The following DNAH3 variants were observed in gnomAD, a reference collection of about 807,000 sequenced individuals.
DNAH3 encodes dynein axonemal heavy chain 3.
DNAH3 carries 332 observed loss-of-function variants against 432.5 expected under a neutral mutation model. The ratio of observed to expected loss-of-function variants is 0.77; its 90% confidence interval spans 0.70 to 0.84. DNAH3 has a LOEUF of 0.84. Among genes scored for constraint, DNAH3 ranks in the 40% least tolerant of loss-of-function variants. DNAH3 has a pLI of 0.00. For missense variants in DNAH3, 4,861 were observed against 5,114.0 expected (o/e 0.95, Z 1.51); for synonymous variants, 1,956 against 1,900.2 (o/e 1.03, Z -0.76).
chr16:20,993,675 A>G (rs186890253), intron 44 of DNAH3, among the ~76,000 whole-genome samples: 1 of 152,186 alleles, frequency 6.6e-6, no homozygotes, highest in Non-Finnish European at 1.5e-5. Flanking sequence ...TAGCTGCCCA[A>G]AAGTTTTTTT....
intron 11 of DNAH3, among the ~76,000 whole-genome samples, chr16:21,118,944 T>A (rs2092272268): frequency 6.6e-6 from 1 of 152,008 alleles, no homozygotes; most frequent in South Asian, 2.1e-4. Flanking sequence ...GTCTTCAGAG[T>A]GTTTCAGTGA....
intron 11 of DNAH3, among the ~76,000 whole-genome samples, chr16:21,118,847 T>C (rs972826189): frequency 6.6e-6 from 1 of 152,234 alleles, no homozygotes; most frequent in Non-Finnish European, 1.5e-5. Flanking sequence ...GCATGGCTCA[T>C]GCAGGCTGCA....
At chr16:20,956,392 C>G (rs896561463) in intron 54 of DNAH3, among the ~76,000 whole-genome samples, 2 of 152,190 alleles carry the variant, frequency 1.3e-5, no homozygotes, top group Non-Finnish European at 2.9e-5. Flanking sequence ...ACTGCAAGCC[C>G]CACCATTCCC....
intron 1 of DNAH3, among the ~76,000 whole-genome samples, chr16:21,157,341 T>C (rs1439385050): frequency 4.0e-5 from 6 of 148,340 alleles, no homozygotes; most frequent in African/African-American, 9.9e-5. Context: ...TGCTTCTTTT[T>C]TTTTTTTTTT....
intron 41 of DNAH3, among the ~76,000 whole-genome samples, chr16:21,017,054 T>C (rs541319302): frequency 6.6e-6 from 1 of 152,178 alleles, no homozygotes; most frequent in East Asian, 1.9e-4. Context: ...AGTTTGGGAA[T>C]GTGAAAAACG....
In DNAH3 at chr16:21,069,191, C is replaced by T. The variant is rs116845038; in HGVS notation, c.3381+224G>A. 3.9e-3 allele frequency among the ~76,000 whole-genome samples: 597 copies of T among 152,170 alleles called. 22 individuals carry two copies. In the East Asian group the frequency reaches 0.082, roughly 21 times the overall value. On this transcript the variant is annotated intron_variant, in intron 23 of 61. Transcript: ENST00000261383. ...AACTCTTGACCTCAAGTGATACCCC[C>T]GCCTTGGCCTCCCAAAGTGATGGGA...
At position 20,964,954 on chromosome 16, in the gene DNAH3, T is replaced by C. The variant is rs1313293940; in HGVS notation, c.8930A>G (p.Glu2977Gly). 1.9e-6 allele frequency: 3 copies of C among 1,614,040 alleles called. No homozygotes were observed. The Admixed American group carries it at 5.0e-5, about 27-fold the overall frequency. ...GGCAGCTTCGGTCCATCTGTCCTTC[T>C]CTCCCCCAAGACCACTGATCAGTTT... Residue 2977 changes from glutamate to glycine, a missense_variant, in exon 53 of 62, where the codon GAG becomes GGG. By Grantham distance (98) the Glu-to-Gly change is moderately conservative. Transcript: ENST00000261383.
In DNAH3 at chr16:21,104,604, A is replaced by G. The variant is rs1366192916; in HGVS notation, c.2285-52T>C. ...AATTTGATGTCCTCATCTGCAAAAC[A>G]CATACTGCCTGCTCCAGGACACTGT... On this transcript the variant is annotated intron_variant, in intron 15 of 61. Coordinates refer to ENST00000261383, the Ensembl canonical transcript of DNAH3. 7 of 1,463,628 alleles carry G rather than the reference A, an allele frequency of 4.8e-6. No homozygotes were observed. The highest frequency in any genetic ancestry group is 6.7e-6 in the Non-Finnish European group (7 of 1,043,124). 90.7% of individuals were successfully genotyped at this position (1,463,628 alleles called of 1,614,324 possible). A position where few individuals can be genotyped will look rare whatever the true frequency, so the allele number is the denominator to read the frequency against.
exon 57 of DNAH3, chr16:20,948,605 C>G: frequency 3.7e-6 from 6 of 1,614,142 alleles, no homozygotes; most frequent in Non-Finnish European, 4.2e-6. Flanking sequence ...CGGTCTTTGT[C>G]ATCAGTCACT....
At chr16:20,936,055 A>G (rs1223095373) in intron 60 of DNAH3, among the ~76,000 whole-genome samples, 1 of 152,196 alleles carries the variant, frequency 6.6e-6, no homozygotes, top group Non-Finnish European at 1.5e-5. Context: ...ATATGTAAAA[A>G]ATCAATGTTT....
chr16:21,124,504 C>G (rs888107771), intron 9 of DNAH3, among the ~76,000 whole-genome samples: 1 of 152,054 alleles, frequency 6.6e-6, no homozygotes, highest in Non-Finnish European at 1.5e-5. Flanking sequence ...GACTGGACTT[C>G]TTAAGATTTT....
chr16:21,028,146 G>A (rs897674527), intron 37 of DNAH3, among the ~76,000 whole-genome samples: 3 of 151,952 alleles, frequency 2.0e-5, no homozygotes, highest in East Asian at 3.9e-4. Flanking sequence ...ACCTTCACAC[G>A]TGGCTAGTTT....
intron 51 of DNAH3, among the ~76,000 whole-genome samples, chr16:20,971,225 GAACT>G (rs932482589): frequency 6.6e-6 from 1 of 151,782 alleles, no homozygotes; most frequent in African/African-American, 2.4e-5. Context: ...AAAGAGCAGG[GAACT>G]AACTTTGTCT....
At position 21,135,812 on chromosome 16, in the gene DNAH3, G is replaced by A. The variant is rs573001794; in HGVS notation, c.886+512C>T. Among the ~76,000 whole-genome samples the A allele has an allele frequency of 3.8e-4, 57 of 151,768 alleles. 1 individual carries two copies. Among genetic ancestry groups the A allele is most frequent in the Middle Eastern group, 6.8e-3 (2 of 294 alleles). On this transcript the variant is annotated intron_variant, in intron 6 of 61. Transcript: ENST00000261383. ...CCAGCACTTTGGGAGGCCGAGGCAG[G>A]AGGATCTCTTGAGTCCAGGATGTTC...
exon 42 of DNAH3, chr16:21,003,146 C>CCAA: frequency 6.2e-7 from 1 of 1,613,176 alleles, no homozygotes; most frequent in Non-Finnish European, 8.5e-7. Flanking sequence ...TGGTGATATA[C>CCAA]TGTGTCCACG....
intron 24 of DNAH3, among the ~76,000 whole-genome samples, chr16:21,066,495 G>A (rs953368524): frequency 1.3e-5 from 2 of 152,132 alleles, no homozygotes; most frequent in African/African-American, 2.4e-5. Context: ...AGCCTCCAGA[G>A]TAGCTGGGAC....
exon 19 of DNAH3, chr16:21,086,989 G>T: frequency 6.2e-7 from 1 of 1,614,178 alleles, no homozygotes; most frequent in Non-Finnish European, 8.5e-7. Flanking sequence ...GTCTTGATCA[G>T]TTTATACGTT....
chr16:21,151,160 T>G (rs1225435223), intron 1 of DNAH3, among the ~76,000 whole-genome samples: 2 of 152,168 alleles, frequency 1.3e-5, no homozygotes, highest in Non-Finnish European at 2.9e-5. Flanking sequence ...CTGTGTGGCT[T>G]GGCAAGTTGT....
In DNAH3 at chr16:21,039,225, T is replaced by G. The variant is rs151144082; in HGVS notation, c.4730+627A>C. The stretch of plus-strand genomic sequence containing the variant: ...GTTTTATAGTGTTGCTTTTTTTTTT[T>G]TTTTTTTTTTTGAGACAGGGTCTCA... On this transcript the variant is annotated intron_variant, in intron 33 of 61. Transcript: ENST00000261383. Among the ~76,000 whole-genome samples the G allele has an allele frequency of 1.5e-4, 13 of 85,162 alleles. 1 individual carries two copies. The highest frequency in any genetic ancestry group is 1.3e-3 in the Admixed American group (9 of 7,114). The allele number at this position is 85,162 out of a possible 152,430, so 55.9% of individuals were successfully genotyped here.
Sources: gnomAD v4.1 joint callset for allele counts (sites outside exome capture counted in the v4.1 genomes callset) on GRCh38, gnomAD v4.1.1 for gene constraint, MANE v1.5 for transcripts, NCBI Gene and HGNC (gene_info 2026-07-23, HGNC 2026-07-21) for gene names.